Variants in ATCAY observed in about 807,000 individuals in gnomAD.
ATCAY encodes ATCAY kinesin light chain interacting caytaxin, also known as caytaxin.
Under a neutral mutation model 47.7 loss-of-function variants are expected in ATCAY, and 22 were observed. That is an observed-to-expected ratio of 0.46 (90% CI 0.33 to 0.66). The LOEUF is 0.66. ATCAY is among the 30% of genes least tolerant of loss of function. The probability of loss-of-function intolerance (pLI) is 0.02; values close to 1 mark genes in which losing one functional copy is unlikely to be tolerated. For synonymous variants in ATCAY, 216 were observed against 207.6 expected (o/e 1.04, Z -0.35); for missense variants, 452 against 515.0 (o/e 0.88, Z 1.18).
At chr19:3,893,075 T>TG (rs34551391) in intron 2 of ATCAY, among the ~76,000 whole-genome samples, 87,076 of 151,608 alleles carry the variant, frequency 0.57, 27,768 homozygotes, top group Non-Finnish European at 0.71. Context: ...CACCAGGCAC[T>TG]GGGACTTAAA....
chr19:3,915,044 A>G (rs1455352923), intron 9 of ATCAY, among the ~76,000 whole-genome samples: 2 of 152,136 alleles, frequency 1.3e-5, no homozygotes, highest in African/African-American at 2.4e-5. Context: ...TTTTTCACTG[A>G]ATGTCATATC....
At chr19:3,894,171 C>T (rs937876822) in intron 2 of ATCAY, among the ~76,000 whole-genome samples, 4 of 151,644 alleles carry the variant, frequency 2.6e-5, no homozygotes, top group Non-Finnish European at 5.9e-5. Flanking sequence ...TGCAAGACCC[C>T]ATCTGCAGAA....
At chr19:3,890,978 G>A (rs967532860) in intron 2 of ATCAY, among the ~76,000 whole-genome samples, 3 of 151,898 alleles carry the variant, frequency 2.0e-5, no homozygotes, top group Admixed American at 6.6e-5. Context: ...CTCCCCTGGG[G>A]ACTGCAGAAG....
intron 12 of ATCAY, among the ~76,000 whole-genome samples, chr19:3,922,673 G>A (rs2039030957): frequency 6.6e-6 from 1 of 152,148 alleles, no homozygotes; most frequent in Non-Finnish European, 1.5e-5. Flanking sequence ...AGCCAGGGAA[G>A]GACCAAACTT....
intron 2 of ATCAY, among the ~76,000 whole-genome samples, chr19:3,893,138 C>A (rs550331546): frequency 1.3e-5 from 2 of 151,230 alleles, no homozygotes; most frequent in South Asian, 4.2e-4. Context: ...GACGAAGCCA[C>A]GCTGTGCATC....
At position 3,890,144 on chromosome 19, in the gene ATCAY, G is replaced by A. The variant is rs571547439; in HGVS notation, c.77+4300G>A. Among the ~76,000 whole-genome samples the A allele has an allele frequency of 9.3e-3, 1,382 of 148,800 alleles. 17 individuals carry two copies. The highest frequency in any genetic ancestry group is 0.056 in the Middle Eastern group (15 of 270). On this transcript the variant is annotated intron_variant, in intron 2 of 12. Coordinates refer to ENST00000450849, the MANE Select transcript of ATCAY (RefSeq NM_033064.5). ...TTTTTAGTAGAGACGAGGTTTCACCGTGTTGGCCAGGCTGGTCTCGAACTC... is the reference window on the plus strand; with the variant it reads ...TTTTTAGTAGAGACGAGGTTTCACCATGTTGGCCAGGCTGGTCTCGAACTC...
At chr19:3,918,246 G>A (rs578249188) in intron 10 of ATCAY, among the ~76,000 whole-genome samples, 55 of 152,080 alleles carry the variant, frequency 3.6e-4, no homozygotes, top group Non-Finnish European at 6.5e-4. Context: ...TTAGCCAGGC[G>A]TGGTGGTGCG....
chr19:3,886,483 G>A (rs987465570), intron 2 of ATCAY, among the ~76,000 whole-genome samples: 3 of 151,706 alleles, frequency 2.0e-5, no homozygotes, highest in Non-Finnish European at 2.9e-5. Context: ...CCAGCTACTC[G>A]GGAGGCTGAG....
Position 3,902,559 on chromosome 19 carries a change from T to C in ATCAY, c.136+14T>C, listed in dbSNP as rs780011050. On this transcript the variant is annotated intron_variant, in intron 3 of 12. Transcript: ENST00000450849. ...AAGACACATCCTGTAAGTTTCCACG[T>C]CCACAGAAGGGCGGAAACAGGCTCA... 4.5e-6 allele frequency: 7 copies of C among 1,562,074 alleles called. No individual in the cohort carries two copies. In the South Asian group the frequency reaches 8.3e-5, roughly 18 times the overall value.
chr19:3,898,120 C>T (rs1437452440), intron 2 of ATCAY, among the ~76,000 whole-genome samples: 1 of 152,112 alleles, frequency 6.6e-6, no homozygotes, highest in Non-Finnish European at 1.5e-5. Context: ...CCCTCTCCCC[C>T]AACCCCAGTG....
At chr19:3,890,670 G>T (rs987679831) in intron 2 of ATCAY, among the ~76,000 whole-genome samples, 1 of 152,202 alleles carries the variant, frequency 6.6e-6, no homozygotes, top group African/African-American at 2.4e-5. Context: ...TGGAAGGCGC[G>T]AGGCCAGCGG....
At chr19:3,884,164 G>A (rs1029670502) in intron 1 of ATCAY, among the ~76,000 whole-genome samples, 4 of 152,122 alleles carry the variant, frequency 2.6e-5, no homozygotes, top group Non-Finnish European at 4.4e-5. Flanking sequence ...GCACACACTC[G>A]TGGTCCCAGA....
intron 2 of ATCAY, among the ~76,000 whole-genome samples, chr19:3,888,314 C>G (rs538254038): frequency 6.6e-6 from 1 of 152,112 alleles, no homozygotes; most frequent in East Asian, 1.9e-4. Context: ...CAGGTGTGTT[C>G]CGCCTGAAAA....
intron 5 of ATCAY, 23 bp from the exon 6 acceptor site, chr19:3,908,245 G>A (rs749618079): frequency 1.3e-6 from 2 of 1,550,884 alleles, no homozygotes; most frequent in African/African-American, 1.4e-5. Context: ...CTCTGACGTT[G>A]CCGATCGGCT....
In ATCAY at chr19:3,907,805, G is replaced by C. The variant is rs777630820; in HGVS notation, c.430G>C (p.Glu144Gln). The C allele has an allele frequency of 4.3e-6, 7 of 1,614,004 alleles. No individual in the cohort carries two copies. Among genetic ancestry groups the C allele is most frequent in the Non-Finnish European group, 5.9e-6 (7 of 1,179,880 alleles). The change falls in exon 5 of 13, where the codon GAG (glutamate) becomes CAG (glutamine). Residue 144 changes from glutamate to glutamine, a missense_variant. Coordinates refer to ENST00000450849, the MANE Select transcript of ATCAY (RefSeq NM_033064.5). The surrounding 1 kb of genome is among the most constrained non-coding windows in gnomAD (Gnocchi z 5.1). The stretch of plus-strand genomic sequence containing the variant: ...GGATCTATTTGGGGACGGCACGACG[G>C]AGGACGGCAGCGCCGCCAACGGGCG... ...SADLFGDGTT[E>Q]DGSAANGRLW...
chr19:3,883,628 G>A (rs1438926978), intron 1 of ATCAY, among the ~76,000 whole-genome samples: 1 of 152,048 alleles, frequency 6.6e-6, no homozygotes, highest in East Asian at 1.9e-4. Context: ...TGCCCAGGGG[G>A]CACTCCTTCC....
chr19:3,902,618 A>G, intron 3 of ATCAY, 73 bp downstream of exon 3: 1 of 1,489,330 alleles, frequency 6.7e-7, no homozygotes, highest in Non-Finnish European at 9.1e-7. Flanking sequence ...CTGGGGCTGT[A>G]ACTGTAGAAA....
Position 3,884,027 on chromosome 19 carries a change from G to A in ATCAY, c.-41-1700G>A, listed in dbSNP as rs556524908. Among the ~76,000 whole-genome samples the A allele has an allele frequency of 3.9e-5, 6 of 152,152 alleles. No homozygotes were observed. In the East Asian group the frequency reaches 7.7e-4, roughly 20 times the overall value. ...ACAAAACTGGTGTGGGGGGTGGGGCGGCACAGTGGCTCACACCTGTAATCC... is the reference window on the plus strand; with the variant it reads ...ACAAAACTGGTGTGGGGGGTGGGGCAGCACAGTGGCTCACACCTGTAATCC... On this transcript the variant is annotated intron_variant, in intron 1 of 12. Transcript: ENST00000450849.
rs1357530087 is a variant in ATCAY, at chr19:3,921,910, A to AC, written c.1106+1112_1106+1113insC. 2.7e-5 allele frequency among the ~76,000 whole-genome samples: 4 copies of AC among 149,612 alleles called. No homozygotes were observed. In the East Asian group the frequency reaches 7.9e-4, roughly 30 times the overall value. On this transcript the variant is annotated intron_variant, in intron 12 of 12. Transcript: ENST00000450849. ...AGACTCTGTTTAAAAAAAAAAAAAC[A>AC]AAAAAACAAAAAACTTAACAAAAGG...
Sources: allele counts gnomAD v4.1 joint callset (sites outside exome capture counted in the v4.1 genomes callset), GRCh38; gene constraint gnomAD v4.1.1; non-coding constraint Gnocchi (gnomAD v3.1); transcripts MANE v1.5; gene names NCBI Gene and HGNC (gene_info 2026-07-23, HGNC 2026-07-21).